Variants in COL18A1 observed in about 807,000 individuals in gnomAD.
COL18A1 encodes the protein collagen type XVIII alpha 1 chain.
COL18A1 carries 133 observed loss-of-function variants against 168.0 expected under a neutral mutation model. The ratio of observed to expected loss-of-function variants is 0.79; its 90% CI spans 0.69 to 0.91. The LOEUF (loss-of-function observed/expected upper bound fraction) is 0.91, where lower values mean the gene tolerates loss of function less well. Among genes scored for constraint, COL18A1 ranks in the 40% least tolerant of loss-of-function variants. The pLI, the probability that COL18A1 is intolerant of heterozygous loss-of-function variation, is 0.00. For synonymous variants in COL18A1, 949 were observed against 809.0 expected (o/e 1.17, Z -2.94); for missense variants, 2,126 against 1,925.4 (o/e 1.10, Z -1.95).
intron 2 of COL18A1, among the ~76,000 whole-genome samples, chr21:45,429,489 A>C (rs2033896775): frequency 6.6e-6 from 1 of 152,072 alleles, no homozygotes; most frequent in South Asian, 2.1e-4. Flanking sequence ...TCAGTCACCC[A>C]CTGTGCACCC....
At position 45,482,803 on chromosome 21, in the gene COL18A1, A is replaced by G. The variant is rs75222922; in HGVS notation, c.1683A>G (p.Ala561=). 4.3e-4 allele frequency: 694 copies of G among 1,614,138 alleles called. 7 individuals are homozygous for G. In the East Asian group the frequency reaches 0.011, roughly 26 times the overall value. Residue 561 remains alanine, a synonymous_variant, in exon 15 of 42, where the codon GCA becomes GCG. Transcript: ENST00000651438. ...TGCTCTTTTCCGTACAGGGTGAAGC[A>G]GGCGCCCCAGGACATAAGGTACAAG... is the stretch of plus-strand genomic sequence containing the variant. ...RTGQKGSLGE[A]GAPGHKGSKG... is the part of the protein sequence containing the mutation.
chr21:45,481,186 G>A (rs547738139), intron 13 of COL18A1, among the ~76,000 whole-genome samples: 3 of 152,210 alleles, frequency 2.0e-5, no homozygotes, highest in Non-Finnish European at 4.4e-5. Context: ...TGGGAGGGCC[G>A]AGGTCAGCAT....
chr21:45,511,728 C>T (rs1312291947), intron 41 of COL18A1, among the ~76,000 whole-genome samples: 1 of 152,156 alleles, frequency 6.6e-6, no homozygotes, highest in Non-Finnish European at 1.5e-5. Flanking sequence ...CTCGGGGTGC[C>T]ACACAGCGTG....
Position 45,434,198 on chromosome 21 carries a change from G to A in COL18A1, c.106+28725G>A, listed in dbSNP as rs575114231. On this transcript the variant is annotated intron_variant, in intron 2 of 41. Coordinates refer to ENST00000651438, the MANE Select transcript of COL18A1 (RefSeq NM_001379500.1). Reference sequence around the variant, plus strand: ...GAAACCCAGAGGCAGTGGCTTCACCGGGGGGTGGTGATATTCAAGCTCTTG... The same window carrying A: ...GAAACCCAGAGGCAGTGGCTTCACCAGGGGGTGGTGATATTCAAGCTCTTG... Among the ~76,000 whole-genome samples the A allele has an allele frequency of 8.0e-4, 75 of 94,104 alleles. No individual in the cohort carries two copies. In the South Asian group the frequency reaches 0.021, roughly 26 times the overall value. 61.7% of individuals were successfully genotyped at this position (94,104 alleles called of 152,430 possible).
rs77180157 is a variant in COL18A1, at chr21:45,456,803, G to A, written c.107-11439G>A. 3.4e-5 allele frequency: 52 copies of A among 1,538,818 alleles called. No individual in the cohort carries two copies. In the South Asian group the frequency reaches 3.6e-4, roughly 11 times the overall value. ...GGATGCGTGTTGGAGCCGCCTGGGC[G>A]GGGGCCGGCTGCCCGTCGCCTGTGC... On this transcript the variant is annotated intron_variant, in intron 2 of 41. Transcript: ENST00000651438.
Position 45,462,508 on chromosome 21 carries a change from TC to T in COL18A1, c.107-5733del, listed in dbSNP as rs1181495649. ...CTTATCTTCAAGCTCATTAATTTATTCTTTTGTCTGCTCAAATCACCTTCAG... is the reference window on the plus strand; with the variant it reads ...CTTATCTTCAAGCTCATTAATTTATTTTTTGTCTGCTCAAATCACCTTCAG... On this transcript the variant is annotated intron_variant, in intron 2 of 41. Coordinates refer to ENST00000651438, the MANE Select transcript of COL18A1 (RefSeq NM_001379500.1). Among the ~76,000 whole-genome samples, 31 of 152,342 alleles carry T rather than the reference TC, an allele frequency of 2.0e-4. No homozygotes were observed. In the Middle Eastern group the frequency reaches 0.01, roughly 50 times the overall value.
rs751718038 is a variant in COL18A1 at position 45,485,149 on chromosome 21, A to ATTTTTTTTTTT, written c.1702-1691_1702-1681dup. On this transcript the variant is annotated intron_variant, in intron 15 of 41. Transcript: ENST00000651438. Reference sequence around the variant, plus strand: ...AGGCATCTGCCACCACACCTGGCTAATTTTTTTTTTTTTTTTTTTTTTTTT... The same window carrying ATTTTTTTTTTT: ...AGGCATCTGCCACCACACCTGGCTAATTTTTTTTTTTTTTTTTTTTTTTTTTTTTTTTTTTT... Among the ~76,000 whole-genome samples the ATTTTTTTTTTT allele has an allele frequency of 8.7e-3, 479 of 55,088 alleles. 60 individuals are homozygous for ATTTTTTTTTTT. Among genetic ancestry groups the ATTTTTTTTTTT allele is most frequent in the Non-Finnish European group, 0.012 (374 of 30,152 alleles). 36.1% of individuals were successfully genotyped at this position (55,088 alleles called of 152,430 possible). A position where few individuals can be genotyped will look rare whatever the true frequency, so the allele number is the denominator to read the frequency against.
chr21:45,503,398 G>A (rs956310737), intron 32 of COL18A1, among the ~76,000 whole-genome samples: 2 of 151,926 alleles, frequency 1.3e-5, no homozygotes, highest in African/African-American at 4.8e-5. Flanking sequence ...CATGTCCTTT[G>A]CCCACTTTTT....
At position 45,479,936 on chromosome 21, in the gene COL18A1, C is replaced by T. The variant is rs1394559173; in HGVS notation, c.1283C>T (p.Pro428Leu). 6.2e-6 allele frequency: 10 copies of T among 1,613,706 alleles called. No individual in the cohort carries two copies. In the Admixed American group the frequency reaches 6.7e-5, roughly 11 times the overall value. Residue 428 changes from proline (P) to leucine (L), a missense_variant, in exon 10 of 42, where the codon CCA (proline) becomes CTA (leucine). Coordinates refer to ENST00000651438, the MANE Select transcript of COL18A1 (RefSeq NM_001379500.1). The stretch of plus-strand genomic sequence containing the variant: ...GGGCCACAAGGCTTCCCCGGGACTC[C>T]AGGGGACGTAGGTCCCAAGGGCGAC... ...DTGPQGFPGT[P>L]GDVGPKGDKG...
chr21:45,471,863 T>C lies in COL18A1; in HGVS notation c.652-2032T>C, dbSNP rs1255841263. On this transcript the variant is annotated intron_variant, in intron 3 of 41. Coordinates refer to ENST00000651438, the MANE Select transcript of COL18A1 (RefSeq NM_001379500.1). This position sits in a 1 kb window ranked among gnomAD's most constrained non-coding sequence, Gnocchi z 4.4. ...AGCTCTGTTTCAGGTGTCTCCGGAT[T>C]TCATAACTTTCAGTCCGAAGTCCCT... Among the ~76,000 whole-genome samples the C allele has an allele frequency of 6.6e-6, 1 of 152,136 alleles. No homozygotes were observed. The highest frequency in any genetic ancestry group is 6.5e-5 in the Admixed American group (1 of 15,272).
intron 34 of COL18A1, 29 bp downstream of exon 34, chr21:45,504,585 C>A (rs934334461): frequency 1.3e-6 from 2 of 1,554,382 alleles, no homozygotes; most frequent in African/African-American, 1.4e-5. Flanking sequence ...AGGCAGAGCC[C>A]ATGTCCCAGG....
intron 20 of COL18A1, among the ~76,000 whole-genome samples, 179 bp from the exon 21 acceptor site, chr21:45,490,657 C>A (rs374430693): frequency 0.015 from 1,917 of 130,230 alleles, 34 homozygotes; most frequent in East Asian, 0.093. Context: ...TGTGCCCACT[C>A]CCGGAGCGCC....
At chr21:45,418,536 A>C (rs2033515186) in intron 2 of COL18A1, among the ~76,000 whole-genome samples, 1 of 151,924 alleles carries the variant, frequency 6.6e-6, no homozygotes, top group Non-Finnish European at 1.5e-5. Context: ...TGCTGCGATC[A>C]CTGCAGAGGC....
intron 2 of COL18A1, among the ~76,000 whole-genome samples, chr21:45,411,414 G>A (rs1237359082): frequency 6.6e-6 from 1 of 152,114 alleles, no homozygotes; most frequent in South Asian, 2.1e-4. Flanking sequence ...TGGTCCACCC[G>A]GCCTTTGATT....
chr21:45,437,374 A>G (rs1164052756), intron 2 of COL18A1, among the ~76,000 whole-genome samples: 1 of 97,314 alleles, frequency 1.0e-5, no homozygotes, highest in Admixed American at 9.6e-5. Flanking sequence ...ACACACACTC[A>G]GACACACAGG....
chr21:45,444,151 A>G (rs1224505764), intron 2 of COL18A1, among the ~76,000 whole-genome samples: 1 of 151,908 alleles, frequency 6.6e-6, no homozygotes, highest in East Asian at 1.9e-4. Context: ...ACCCTTTCCC[A>G]TGTGACACAT....
chr21:45,428,323 G>A (rs2838926), intron 2 of COL18A1, among the ~76,000 whole-genome samples: 4,451 of 152,262 alleles, frequency 0.029, 193 homozygotes, highest in African/African-American at 0.093. Context: ...GACCCGGCGT[G>A]CAGGGGTGAC....
chr21:45,486,950 T>G lies in COL18A1; in HGVS notation c.1791T>G (p.Pro597=), dbSNP rs1339298941. Residue 597 remains proline, a synonymous_variant, in exon 16 of 42, where the codon CCT becomes CCG. Coordinates refer to ENST00000651438, the MANE Select transcript of COL18A1 (RefSeq NM_001379500.1). ...APGPAGPPGP[P]GPPGPPGPGL... ...GACCTGCTGGACCACCAGGCCCCCC[T>G]GGGCCCCCTGGGCCCCCAGGACCAG... The G allele has an allele frequency of 6.7e-7, 1 of 1,488,962 alleles. No homozygotes were observed. The highest frequency in any genetic ancestry group is 8.9e-7 in the Non-Finnish European group (1 of 1,120,536). The allele number at this position is 1,488,962 out of a possible 1,614,324, so 92.2% of individuals were successfully genotyped here. A position where few individuals can be genotyped will look rare whatever the true frequency, so the allele number is the denominator to read the frequency against.
At position 45,405,169 on chromosome 21, in the gene COL18A1, C is replaced by G. The variant is rs1244261154; in HGVS notation, c.-62C>G. 18 of 310,248 alleles carry G rather than the reference C, an allele frequency of 5.8e-5. No homozygotes were observed. The allele number at this position is 310,248 out of a possible 1,614,324, so 19.2% of individuals were successfully genotyped here. The stretch of plus-strand genomic sequence containing the variant: ...CGGCGGCGGCTGCAGCGCGGCGGTC[C>G]GAGCGGGTGCACCGCGGCGGAGGAG... On this transcript the variant is annotated 5_prime_UTR_variant, in exon 1 of 42. Coordinates refer to ENST00000651438, the MANE Select transcript of COL18A1 (RefSeq NM_001379500.1).
Sources: gnomAD v4.1 joint callset for allele counts (sites outside exome capture counted in the v4.1 genomes callset) on GRCh38, gnomAD v4.1.1 for gene constraint, Gnocchi (gnomAD v3.1) non-coding constraint, MANE v1.5 for transcripts, NCBI Gene and HGNC (gene_info 2026-07-23, HGNC 2026-07-21) for gene names.